STAP2: variants seen among roughly 807,000 people sequenced by gnomAD.
STAP2 encodes the protein signal transducing adaptor family member 2, also known as signal-transducing adaptor protein 2.
In STAP2, 58 loss-of-function variants were observed where a neutral mutation model predicts 52.7. That is an observed-to-expected ratio of 1.10 (90% confidence interval 0.89 to 1.37). STAP2 has a LOEUF of 1.37. STAP2 is among the 40% of genes most tolerant of loss of function. The pLI is 0.00. For missense variants in STAP2, 522 were observed against 519.4 expected, an observed-to-expected ratio of 1.00 and a Z score of -0.05; for synonymous variants, 231 against 210.5, an observed-to-expected ratio of 1.10 and a Z score of -0.84.
chr19:4,338,558 C>G lies in STAP2; in HGVS notation c.102+94G>C. 16 of 726,660 alleles carry G rather than the reference C, an allele frequency of 2.2e-5. 3 individuals are homozygous for G. The highest frequency in any genetic ancestry group is 3.3e-5 in the Non-Finnish European group (16 of 484,246). The allele number at this position is 726,660 out of a possible 1,614,324, so 45.0% of individuals were successfully genotyped here. A position where few individuals can be genotyped will look rare whatever the true frequency, so the allele number is the denominator to read the frequency against. On this transcript the variant is annotated intron_variant, in intron 1 of 12. Coordinates refer to ENST00000594605, the MANE Select transcript of STAP2 (RefSeq NM_001013841.2). ...CCTGCCCCATCCAGCACCCACCCCG[C>G]CCCCCCTTGGCGAGTGGGGAGACAG...
chr19:4,326,915 C>A (rs1019781737), intron 9 of STAP2, 27 bp downstream of exon 9: 1 of 1,550,498 alleles, frequency 6.4e-7, no homozygotes, highest in Non-Finnish European at 8.7e-7. Flanking sequence ...ATCCCTCCCA[C>A]CTCGGCCCGC....
chr19:4,327,512 G>C, intron 6 of STAP2, 127 bp from the exon 7 acceptor site: 1 of 1,002,498 alleles, frequency 1.0e-6, no homozygotes, highest in Non-Finnish European at 1.5e-6. Context: ...CGCCCCCACA[G>C]AAGGCCCCGC....
intron 5 of STAP2, among the ~76,000 whole-genome samples, 160 bp downstream of exon 5, chr19:4,329,801 C>T (rs540024564): frequency 6.6e-6 from 1 of 151,934 alleles, no homozygotes; most frequent in South Asian, 2.1e-4. Flanking sequence ...CCAGCATGGG[C>T]CATAACTCCC....
At chr19:4,336,559 C>G (rs1971983878) in intron 1 of STAP2, among the ~76,000 whole-genome samples, 1 of 152,078 alleles carries the variant, frequency 6.6e-6, no homozygotes, top group Non-Finnish European at 1.5e-5. Flanking sequence ...AGTGATCCTC[C>G]CACCTCGGCC....
chr19:4,332,032 G>T lies in STAP2; in HGVS notation c.344C>A (p.Thr115Lys), dbSNP rs1000539835. Reference protein sequence around the residue: ...CREMWKGFILTVVELRVPTDL... With the variant: ...CREMWKGFILKVVELRVPTDL... ...AGCCACTACTCTTACCTCCACCACC[G>T]TTAAGATGAAGCCTTTCCACATTTC... is the stretch of plus-strand genomic sequence containing the variant. The change falls in exon 4 of 13, where the codon ACG becomes AAG. Residue 115 changes from threonine (T) to lysine (K), a missense_variant. By Grantham distance (78) the Thr-to-Lys change is moderately conservative. Transcript: ENST00000594605. 6.2e-7 allele frequency: 1 copy of T among 1,612,998 alleles called. No homozygotes were observed. Among genetic ancestry groups the T allele is most frequent in the East Asian group, 2.2e-5 (1 of 44,848 alleles).
chr19:4,330,853 T>C (rs545987116), intron 4 of STAP2, among the ~76,000 whole-genome samples: 1 of 151,672 alleles, frequency 6.6e-6, no homozygotes, highest in Non-Finnish European at 1.5e-5. Context: ...TAGCTGGAAT[T>C]ACAGGCTCCC....
In STAP2 at chr19:4,324,085, G is replaced by A. The variant is rs73534878; in HGVS notation, c.*48C>T. The A allele has an allele frequency of 6.7e-4, 1,025 of 1,532,806 alleles. 10 individuals carry two copies. The African/African-American group carries it at 0.013, about 19-fold the overall frequency. The allele number at this position is 1,532,806 out of a possible 1,614,324, so 95.0% of individuals were successfully genotyped here. A position where few individuals can be genotyped will look rare whatever the true frequency, so the allele number is the denominator to read the frequency against. On this transcript the variant is annotated 3_prime_UTR_variant, in exon 13 of 13. Transcript: ENST00000594605. ...TAATCCTGGGAAAAAGAATCTGGCCGCTGGGCCATGCCCTGGGACTAGCCC... is the reference window on the plus strand; with the variant it reads ...TAATCCTGGGAAAAAGAATCTGGCCACTGGGCCATGCCCTGGGACTAGCCC...
rs73919839 is a variant in STAP2, at chr19:4,328,542, G to A, written c.590+133C>T. ...GCTCTGACTCCGTCCCCAGACGCCC[G>A]TCTCGGCTCTGGCTCCGTCCCCTGG... On this transcript the variant is annotated intron_variant, in intron 6 of 12. Coordinates refer to ENST00000594605, the MANE Select transcript of STAP2 (RefSeq NM_001013841.2). 2.1e-5 allele frequency: 27 copies of A among 1,278,908 alleles called. 1 individual carries two copies. The highest frequency in any genetic ancestry group is 2.6e-5 in the Non-Finnish European group (24 of 939,050). 79.2% of individuals were successfully genotyped at this position (1,278,908 alleles called of 1,614,324 possible). A position where few individuals can be genotyped will look rare whatever the true frequency, so the allele number is the denominator to read the frequency against.
chr19:4,334,837 T>TCATCCATCCATCCACTCATCCATCCACC (rs1971951623), intron 1 of STAP2, among the ~76,000 whole-genome samples: 1 of 4,420 alleles, frequency 2.3e-4, no homozygotes, highest in African/African-American at 8.6e-4. Flanking sequence ...ATCCACCCAC[T>TCATCCATCCATCCACTCATCCATCCACC]CATCCATCCA....
chr19:4,335,663 A>G (rs1213271918), intron 1 of STAP2, among the ~76,000 whole-genome samples: 1 of 152,194 alleles, frequency 6.6e-6, no homozygotes, highest in African/African-American at 2.4e-5. Flanking sequence ...AGAGCAATAC[A>G]GGATTAAACA....
rs760305361 is a variant in STAP2 at position 4,327,106 on chromosome 19, C to G, written c.763+18G>C. 1 of 1,613,946 alleles carries G rather than the reference C, an allele frequency of 6.2e-7. No homozygotes were observed. Among genetic ancestry groups the G allele is most frequent in the South Asian group, 1.1e-5 (1 of 91,024 alleles). On this transcript the variant is annotated intron_variant, in intron 8 of 12. Coordinates refer to ENST00000594605, the MANE Select transcript of STAP2 (RefSeq NM_001013841.2). ...GAGGTGAGCACTGGGCCCCCGAACT[C>G]CCCGAAGGGGCACCCACCTAGCACC...
chr19:4,337,028 T>C (rs35013670), intron 1 of STAP2, among the ~76,000 whole-genome samples: 55,449 of 151,788 alleles, frequency 0.37, 10,351 homozygotes, highest in East Asian at 0.53. Flanking sequence ...AAGGAAAGTC[T>C]ACTCCACTAC....
At chr19:4,335,335 T>C (rs964057714) in intron 1 of STAP2, among the ~76,000 whole-genome samples, 1 of 151,078 alleles carries the variant, frequency 6.6e-6, no homozygotes, top group African/African-American at 2.4e-5. Context: ...CCATCGTGCA[T>C]CCACCTATTC....
intron 1 of STAP2, among the ~76,000 whole-genome samples, chr19:4,335,491 C>T (rs1414660379): frequency 6.6e-6 from 1 of 152,040 alleles, no homozygotes; most frequent in Non-Finnish European, 1.5e-5. Flanking sequence ...CACATCCTCT[C>T]AGCCACCATC....
chr19:4,328,907 C>A (rs1971842860), intron 5 of STAP2, 98 bp from the exon 6 acceptor site: 2 of 1,485,842 alleles, frequency 1.3e-6, no homozygotes, highest in Non-Finnish European at 1.8e-6. Flanking sequence ...CCATCCCCAT[C>A]CCCTAGGCCC....
At chr19:4,336,513 T>A (rs1437024046) in intron 1 of STAP2, among the ~76,000 whole-genome samples, 2 of 151,590 alleles carry the variant, frequency 1.3e-5, no homozygotes, top group Non-Finnish European at 2.9e-5. Flanking sequence ...TGGGGTTTCA[T>A]CATGTGGCCA....
intron 9 of STAP2, among the ~76,000 whole-genome samples, chr19:4,326,706 C>T (rs1971797410): frequency 6.6e-6 from 1 of 152,126 alleles, no homozygotes; most frequent in Non-Finnish European, 1.5e-5. Context: ...GTTTTTCCTC[C>T]ACCCCAAATT....
At chr19:4,329,914 C>T (rs374839535) in intron 5 of STAP2, 47 bp downstream of exon 5, 215 of 1,550,702 alleles carry the variant, frequency 1.4e-4, no homozygotes, top group Non-Finnish European at 1.6e-4. Context: ...CACACAACCA[C>T]CTCCCGTCCC....
In STAP2 at chr19:4,325,396, C is replaced by G; in HGVS notation, c.979G>C (p.Val327Leu). 1 of 1,614,068 alleles carries G rather than the reference C, an allele frequency of 6.2e-7. No individual in the cohort carries two copies. Among genetic ancestry groups the G allele is most frequent in the Non-Finnish European group, 8.5e-7 (1 of 1,180,030 alleles). The part of the protein sequence containing the change: ...GPAVDYENQD[V>L]ASSSWPVILK... ...CTCAGCAGCTCTGTTCCCCACCCAC[C>G]ATCTTGGTTCTCATAGTCAACAGCT... The change falls in exon 10 of 13, where the codon GTG (valine) becomes CTG (leucine). Residue 327 changes from valine (V) to leucine (L), a missense_variant and splice_region_variant. Val to Leu is a conservative substitution (Grantham distance 32). Transcript: ENST00000594605.
Sources: allele counts gnomAD v4.1 joint callset (sites outside exome capture counted in the v4.1 genomes callset), GRCh38; gene constraint gnomAD v4.1.1; transcripts MANE v1.5; gene names NCBI Gene and HGNC (gene_info 2026-07-23, HGNC 2026-07-21).